Variants in PTBP3 observed in about 807,000 individuals in gnomAD.
PTBP3 encodes the protein polypyrimidine tract binding protein 3.
PTBP3 carries 20 observed loss-of-function variants against 58.7 expected under a neutral mutation model. The ratio of observed to expected loss-of-function variants is 0.34; its 90% CI spans 0.24 to 0.50. The LOEUF (loss-of-function observed/expected upper bound fraction) is 0.50. Among genes scored for constraint, PTBP3 ranks in the 20% least tolerant of loss-of-function variants. The pLI, the probability that PTBP3 is intolerant of heterozygous loss-of-function variation, is 0.98. For synonymous variants in PTBP3, 185 were observed against 219.8 expected, an observed-to-expected ratio of 0.84 and a Z score of 1.40; for missense variants, 509 against 637.2, an observed-to-expected ratio of 0.80 and a Z score of 2.17.
chr9:112,373,056 G>A, the PTBP3 span, among the ~76,000 whole-genome samples: 1 of 151,960 alleles, frequency 6.6e-6, no homozygotes, highest in South Asian at 2.1e-4. Flanking sequence ...ACCATGCCCG[G>A]CTAATTTTTT....
At chr9:112,273,075 G>T (rs1473505070) in intron 3 of PTBP3, among the ~76,000 whole-genome samples, 1 of 152,294 alleles carries the variant, frequency 6.6e-6, no homozygotes, top group South Asian at 2.1e-4. Context: ...CCAACCAAAT[G>T]TAACAAGTGA....
At chr9:112,256,187 G>A (rs1030544560) in intron 5 of PTBP3, among the ~76,000 whole-genome samples, 1 of 150,046 alleles carries the variant, frequency 6.7e-6, no homozygotes, top group Non-Finnish European at 1.5e-5. Flanking sequence ...CTGGGAGGTG[G>A]AGGTTGCAGT....
chr9:112,325,626 T>C (rs1270745833), intron 1 of PTBP3, among the ~76,000 whole-genome samples: 1 of 147,036 alleles, frequency 6.8e-6, no homozygotes, highest in Non-Finnish European at 1.5e-5. Flanking sequence ...ACTACTGATA[T>C]ATGCAAGAAC....
chr9:112,281,548 G>A (rs1423273748), intron 2 of PTBP3, among the ~76,000 whole-genome samples: 3 of 152,168 alleles, frequency 2.0e-5, no homozygotes, highest in Non-Finnish European at 2.9e-5. Context: ...TTTTCCTGCA[G>A]CAGCATAATA....
chr9:112,219,728 ATAC>A lies in PTBP3; in HGVS notation c.*4120_*4122del, dbSNP rs1452717475. 6.5e-6 allele frequency: 1 copy of A among 152,830 alleles called. No individual in the cohort carries two copies. Among genetic ancestry groups the A allele is most frequent in the African/African-American group, 2.4e-5 (1 of 41,464 alleles). The allele number at this position is 152,830 out of a possible 1,614,324, so 9.5% of individuals were successfully genotyped here. A position where few individuals can be genotyped will look rare whatever the true frequency, so the allele number is the denominator to read the frequency against. ...ATATTTCCTGAAAACCAGAATACTGATACTACTTTAGTCTCAAATAGGAAGAAA... is the reference window on the plus strand; with the variant it reads ...ATATTTCCTGAAAACCAGAATACTGATACTTTAGTCTCAAATAGGAAGAAA... On this transcript the variant is annotated 3_prime_UTR_variant, in exon 14 of 14. Transcript: ENST00000374257.
chr9:112,370,533 C>T, the PTBP3 span, among the ~76,000 whole-genome samples: 5 of 151,836 alleles, frequency 3.3e-5, no homozygotes, highest in Non-Finnish European at 7.4e-5. Context: ...AGAGTGAGAC[C>T]CCGTTTCAAT....
chr9:112,257,022 T>C (rs1463901043), intron 5 of PTBP3, among the ~76,000 whole-genome samples: 2 of 152,220 alleles, frequency 1.3e-5, no homozygotes, highest in Non-Finnish European at 2.9e-5. Flanking sequence ...AATTATGCTA[T>C]AAAACCTAAT....
At chr9:112,253,338 G>A (rs1194415454) in intron 5 of PTBP3, among the ~76,000 whole-genome samples, 1 of 152,156 alleles carries the variant, frequency 6.6e-6, no homozygotes, top group Non-Finnish European at 1.5e-5. Context: ...AAGGGAAGGG[G>A]TGAGCACGAA....
intron 4 of PTBP3, among the ~76,000 whole-genome samples, chr9:112,266,448 C>T (rs924831287): frequency 6.6e-6 from 1 of 152,048 alleles, no homozygotes; most frequent in Non-Finnish European, 1.5e-5. Context: ...CAACATATAC[C>T]AAAATTTAAA....
the PTBP3 span, among the ~76,000 whole-genome samples, chr9:112,346,123 C>T: frequency 1.3e-5 from 2 of 151,824 alleles, no homozygotes; most frequent in African/African-American, 4.8e-5. Flanking sequence ...GGATTACAGG[C>T]GTGAGGAGAT....
At chr9:112,269,983 C>T (rs1418802898) in intron 3 of PTBP3, among the ~76,000 whole-genome samples, 1 of 148,718 alleles carries the variant, frequency 6.7e-6, no homozygotes, top group Non-Finnish European at 1.5e-5. Context: ...CTCACTCTGT[C>T]ACCCAGGCTG....
At chr9:112,375,132 T>C in the PTBP3 span, among the ~76,000 whole-genome samples, 13 of 152,308 alleles carry the variant, frequency 8.5e-5, no homozygotes, top group South Asian at 2.7e-3. Context: ...CGAGTCATCC[T>C]ATCCACTTGA....
chr9:112,246,255 T>C lies in PTBP3; in HGVS notation c.802+4674A>G, dbSNP rs575724758. Among the ~76,000 whole-genome samples the C allele has an allele frequency of 4.6e-5, 7 of 151,988 alleles. No individual in the cohort carries two copies. In the South Asian group the frequency reaches 1.2e-3, roughly 27 times the overall value. On this transcript the variant is annotated intron_variant, in intron 7 of 13. Transcript: ENST00000374257. ...GCCTCGGCCTCCCAAAGTGCAGAGATTACAGATGTAAGCCACCGCACCCAG... is the reference window on the plus strand; with the variant it reads ...GCCTCGGCCTCCCAAAGTGCAGAGACTACAGATGTAAGCCACCGCACCCAG...
rs1185310242 is a variant in PTBP3, at chr9:112,251,092, G to A, written c.639C>T (p.Gly213=). The A allele has an allele frequency of 3.8e-6, 6 of 1,571,706 alleles. No homozygotes were observed. Among genetic ancestry groups the A allele is most frequent in the Non-Finnish European group, 5.2e-6 (6 of 1,158,136 alleles). ...NAHYAKMALD[G]QNIYNACCTL... ...TGCAGCATGCATTATAGATATTCTG[G>A]CCATCCAGAGCCTAAAGCATGTAAG... is the stretch of plus-strand genomic sequence containing the variant. The change falls in exon 7 of 14, where the codon GGC becomes GGT. Residue 213 remains glycine, a synonymous_variant. Coordinates refer to ENST00000374257, the MANE Select transcript of PTBP3 (RefSeq NM_001163788.4).
intron 2 of PTBP3, among the ~76,000 whole-genome samples, chr9:112,277,359 T>C (rs1178434007): frequency 6.6e-6 from 1 of 152,136 alleles, no homozygotes; most frequent in Admixed American, 6.5e-5. Flanking sequence ...AGGCAAGAGA[T>C]TCCATCTCCT....
At chr9:112,224,280 T>C (rs1834902393) in intron 12 of PTBP3, 70 bp from the exon 13 acceptor site, 14 of 912,038 alleles carry the variant, frequency 1.5e-5, no homozygotes, top group Non-Finnish European at 2.3e-5. Flanking sequence ...ACTCTTGCAA[T>C]CATCAAATCT....
chr9:112,234,785 T>C (rs763509663), intron 8 of PTBP3, 35 bp downstream of exon 8: 83 of 1,557,890 alleles, frequency 5.3e-5, no homozygotes, highest in Middle Eastern at 5.0e-4. Context: ...ACAACTTCAT[T>C]AAAAGTCATT....
intron 7 of PTBP3, among the ~76,000 whole-genome samples, chr9:112,244,225 G>A (rs1835777692): frequency 7.5e-6 from 1 of 133,494 alleles, no homozygotes; most frequent in African/African-American, 2.9e-5. Flanking sequence ...GGGAGGCAGA[G>A]GTTATAGTGA....
chr9:112,339,762 C>A, the PTBP3 span, among the ~76,000 whole-genome samples: 1 of 151,708 alleles, frequency 6.6e-6, no homozygotes, highest in African/African-American at 2.4e-5. Context: ...TGGGATTTTG[C>A]CATGTTGGCC....
Sources: gnomAD v4.1 joint callset for allele counts (sites outside exome capture counted in the v4.1 genomes callset) on GRCh38, gnomAD v4.1.1 for gene constraint, MANE v1.5 for transcripts, NCBI Gene and HGNC (gene_info 2026-07-23, HGNC 2026-07-21) for gene names.